Variants in AGAP1 observed in about 807,000 individuals in gnomAD.
AGAP1 encodes the protein arf-GAP with GTPase, ANK repeat and PH domain-containing protein 1.
A neutral mutation model predicts 105.3 loss-of-function variants in AGAP1; 29 were observed. That is an observed-to-expected ratio of 0.28 (90% CI 0.21 to 0.38). The LOEUF is 0.38. Among genes scored for constraint, AGAP1 ranks in the 10% least tolerant of loss-of-function variants. The pLI is 1.00. For missense variants in AGAP1, 998 were observed against 1,165.1 expected (o/e 0.86, Z 2.09); for synonymous variants, 509 against 485.9 (o/e 1.05, Z -0.63).
At chr2:235,771,901 A>G (rs934091402) in intron 6 of AGAP1, among the ~76,000 whole-genome samples, 1 of 151,776 alleles carries the variant, frequency 6.6e-6, no homozygotes, top group Non-Finnish European at 1.5e-5. Context: ...CAAAAAATTC[A>G]GATGGAATTA....
At chr2:235,833,220 G>A (rs558499644) in intron 9 of AGAP1, among the ~76,000 whole-genome samples, 6 of 152,340 alleles carry the variant, frequency 3.9e-5, no homozygotes, top group East Asian at 1.9e-4. Context: ...GCCTGCCGCC[G>A]TGCTGAGTGA....
rs764865291 is a variant in AGAP1, at chr2:235,958,414, C to T, written c.1484-10048C>T. ...GATCAAGTGCACCTACGCCCAGCAC[C>T]TCCCCCAGCGGACACATTTAGAGAC... On this transcript the variant is annotated intron_variant, in intron 12 of 17. Transcript: ENST00000304032. This position sits in a 1 kb window ranked among gnomAD's most constrained non-coding sequence, Gnocchi z 4.1. Among the ~76,000 whole-genome samples, 1 of 152,080 alleles carries T rather than the reference C, an allele frequency of 6.6e-6. No homozygotes were observed. Among genetic ancestry groups the T allele is most frequent in the Non-Finnish European group, 1.5e-5 (1 of 68,024 alleles).
Position 235,754,484 on chromosome 2 carries a change from T to A in AGAP1, c.673+3996T>A, listed in dbSNP as rs991048336. On this transcript the variant is annotated intron_variant, in intron 6 of 17. Coordinates refer to ENST00000304032, the MANE Select transcript of AGAP1 (RefSeq NM_001037131.3). This position sits in a 1 kb window ranked among gnomAD's most constrained non-coding sequence, Gnocchi z 4.6. ...GCCCTGCGGAGGCCATGTTCCTGAT[T>A]GGCTCTGTACCGAGGTTCATTTAAA... Among the ~76,000 whole-genome samples, 2 of 152,088 alleles carry A rather than the reference T, an allele frequency of 1.3e-5. No individual in the cohort carries two copies. The highest frequency in any genetic ancestry group is 6.6e-5 in the Admixed American group (1 of 15,264).
chr2:235,869,134 C>T (rs2049315266), intron 9 of AGAP1, among the ~76,000 whole-genome samples: 2 of 152,024 alleles, frequency 1.3e-5, no homozygotes, highest in East Asian at 1.9e-4. Flanking sequence ...TAAAATTTGT[C>T]TGGTGGGTGA....
chr2:235,773,346 C>T (rs1955605805), intron 6 of AGAP1, among the ~76,000 whole-genome samples: 1 of 152,142 alleles, frequency 6.6e-6, no homozygotes. Flanking sequence ...AAGATTTGGC[C>T]TACGGTCAGT....
At chr2:235,831,173 CTCT>C (rs1282635469) in intron 9 of AGAP1, among the ~76,000 whole-genome samples, 10 of 140,834 alleles carry the variant, frequency 7.1e-5, no homozygotes, top group African/African-American at 2.6e-4. Context: ...GAGTGCTTCA[CTCT>C]TCTTCTTTAA....
At chr2:235,852,424 C>T (rs2048509647) in intron 9 of AGAP1, among the ~76,000 whole-genome samples, 1 of 152,202 alleles carries the variant, frequency 6.6e-6, no homozygotes, top group Admixed American at 6.5e-5. Flanking sequence ...CGAAACAGGC[C>T]GCCTTTTGAC....
intron 1 of AGAP1, among the ~76,000 whole-genome samples, chr2:235,531,814 G>A (rs1236700154): frequency 6.6e-6 from 1 of 151,076 alleles, no homozygotes; most frequent in Non-Finnish European, 1.5e-5. Context: ...GTTTCACTGT[G>A]TTGGTCAGGC....
chr2:235,519,373 C>T (rs965513049), intron 1 of AGAP1, among the ~76,000 whole-genome samples: 8 of 152,012 alleles, frequency 5.3e-5, no homozygotes, highest in African/African-American at 1.9e-4. Context: ...GCACATGGCC[C>T]TAGTTTATAT....
chr2:235,954,368 G>T (rs1300380203), intron 12 of AGAP1, among the ~76,000 whole-genome samples: 1 of 152,010 alleles, frequency 6.6e-6, no homozygotes, highest in South Asian at 2.1e-4. Flanking sequence ...GCTGCCTCCT[G>T]TGCCACTGAA....
At position 235,621,039 on chromosome 2, in the gene AGAP1, G is replaced by A. The variant is rs896851521; in HGVS notation, c.164-88140G>A. 1.3e-5 allele frequency among the ~76,000 whole-genome samples: 2 copies of A among 151,838 alleles called. No individual in the cohort carries two copies. The highest frequency in any genetic ancestry group is 2.4e-5 in the African/African-American group (1 of 41,318). Reference sequence around the variant, plus strand: ...CTAGTTAATTTTTTTCCTTTTTTTGGAGACCCAGTCTCGCTCTTGTCTCCC... The same window carrying A: ...CTAGTTAATTTTTTTCCTTTTTTTGAAGACCCAGTCTCGCTCTTGTCTCCC... On this transcript the variant is annotated intron_variant, in intron 1 of 17. Coordinates refer to ENST00000304032, the MANE Select transcript of AGAP1 (RefSeq NM_001037131.3). This position sits in a 1 kb window ranked among gnomAD's most constrained non-coding sequence, Gnocchi z 4.1.
At chr2:236,088,913 A>G (rs916407549) in intron 16 of AGAP1, among the ~76,000 whole-genome samples, 1 of 152,238 alleles carries the variant, frequency 6.6e-6, no homozygotes, top group Admixed American at 6.5e-5. Context: ...TTAACAGGGC[A>G]TTCGATCATG....
chr2:235,696,802 A>G (rs1386846085), intron 1 of AGAP1, among the ~76,000 whole-genome samples: 4 of 152,060 alleles, frequency 2.6e-5, no homozygotes, highest in African/African-American at 9.7e-5. Context: ...CAGCCAACAC[A>G]GTGAAACCCC....
intron 9 of AGAP1, among the ~76,000 whole-genome samples, chr2:235,837,459 A>C (rs955479577): frequency 2.0e-5 from 3 of 152,252 alleles, no homozygotes; most frequent in African/African-American, 7.2e-5. Context: ...GAAGGTGGGG[A>C]GGGCTGCTAG....
At chr2:235,686,756 C>CAGT (rs1203105477) in intron 1 of AGAP1, among the ~76,000 whole-genome samples, 2 of 148,418 alleles carry the variant, frequency 1.3e-5, no homozygotes, top group African/African-American at 5.0e-5. Flanking sequence ...TGGGCTTAAG[C>CAGT]AGTCTTCCCA....
rs1024750969 is a variant in AGAP1 at position 236,121,386 on chromosome 2, C to T, written c.2370+939C>T. Among the ~76,000 whole-genome samples the T allele has an allele frequency of 3.0e-4, 46 of 152,048 alleles. No homozygotes were observed. Among genetic ancestry groups the T allele is most frequent in the Non-Finnish European group, 5.4e-4 (37 of 67,992 alleles). On this transcript the variant is annotated intron_variant, in intron 17 of 17. Coordinates refer to ENST00000304032, the MANE Select transcript of AGAP1 (RefSeq NM_001037131.3). This position sits in a 1 kb window ranked among gnomAD's most constrained non-coding sequence, Gnocchi z 4.9. ...TGCGATCTCAGCTCACTGCAACCTCCGCCTCCCAGGTTCAAGCAATTCTCC... is the reference window on the plus strand; with the variant it reads ...TGCGATCTCAGCTCACTGCAACCTCTGCCTCCCAGGTTCAAGCAATTCTCC...
intron 1 of AGAP1, among the ~76,000 whole-genome samples, chr2:235,650,145 G>A (rs760869041): frequency 6.6e-6 from 1 of 152,026 alleles, no homozygotes; most frequent in African/African-American, 2.4e-5. Context: ...GTGGATCACC[G>A]GAGGTCAGGA....
At chr2:235,764,531 T>C (rs1299905056) in intron 6 of AGAP1, among the ~76,000 whole-genome samples, 1 of 152,230 alleles carries the variant, frequency 6.6e-6, no homozygotes. Context: ...ATTTCAGAAC[T>C]CAGTCACTGA....
intron 6 of AGAP1, among the ~76,000 whole-genome samples, chr2:235,767,026 G>C (rs1028393462): frequency 6.7e-6 from 1 of 149,480 alleles, no homozygotes; most frequent in African/African-American, 2.5e-5. Context: ...CAATTCTCCT[G>C]ATTCAGCCTC....
Sources: allele counts gnomAD v4.1 joint callset (sites outside exome capture counted in the v4.1 genomes callset), GRCh38; gene constraint gnomAD v4.1.1; non-coding constraint Gnocchi (gnomAD v3.1); transcripts MANE v1.5; gene names NCBI Gene and HGNC (gene_info 2026-07-23, HGNC 2026-07-21).